MAD1L1: variants seen among roughly 807,000 people sequenced by gnomAD.
MAD1L1 encodes the protein mitotic arrest deficient 1 like 1.
MAD1L1 carries 95 observed loss-of-function variants against 96.9 expected under a neutral mutation model. That is an observed-to-expected ratio of 0.98 (90% CI 0.83 to 1.16). The LOEUF is 1.16. Ranked by LOEUF, MAD1L1 falls within the 50% of genes most tolerant of loss-of-function variation. The pLI, the probability that MAD1L1 is intolerant of heterozygous loss-of-function variation, is 0.00. For missense variants in MAD1L1, 1,007 were observed against 954.4 expected, an observed-to-expected ratio of 1.06 and a Z score of -0.73; for synonymous variants, 473 against 396.6, an observed-to-expected ratio of 1.19 and a Z score of -2.29.
chr7:1,945,836 T>C (rs1779205794), intron 16 of MAD1L1, among the ~76,000 whole-genome samples: 1 of 151,962 alleles, frequency 6.6e-6, no homozygotes, highest in African/African-American at 2.4e-5. Flanking sequence ...GCCTGAGAAG[T>C]CTGGAGGCAG....
chr7:1,995,656 T>A (rs937921944), intron 14 of MAD1L1, among the ~76,000 whole-genome samples: 12 of 151,994 alleles, frequency 7.9e-5, no homozygotes, highest in Admixed American at 2.0e-4. Flanking sequence ...CCCAGACACA[T>A]CCCTGGCCCC....
chr7:2,124,428 A>G (rs1367869669), intron 11 of MAD1L1, among the ~76,000 whole-genome samples: 1 of 152,212 alleles, frequency 6.6e-6, no homozygotes, highest in East Asian at 1.9e-4. Flanking sequence ...GAGTAAGAAG[A>G]CCTGGGAGAT....
intron 18 of MAD1L1, chr7:1,854,372 G>A (rs775937499): frequency 8.4e-6 from 4 of 473,660 alleles, no homozygotes; most frequent in South Asian, 3.0e-5. Context: ...CCCTGTGGAA[G>A]CCTGTATTGG....
At chr7:2,227,649 G>A (rs1326963725) in intron 3 of MAD1L1, among the ~76,000 whole-genome samples, 4 of 152,230 alleles carry the variant, frequency 2.6e-5, no homozygotes, top group Non-Finnish European at 5.9e-5. Context: ...GTTCTCTGGT[G>A]GCCCAAGCCC....
intron 18 of MAD1L1, among the ~76,000 whole-genome samples, chr7:1,832,170 A>G (rs971006148): frequency 1.3e-5 from 2 of 152,166 alleles, no homozygotes; most frequent in African/African-American, 4.8e-5. Flanking sequence ...AGGAGGTCAA[A>G]GTATCACCAT....
chr7:2,029,171 T>C (rs181409054), intron 12 of MAD1L1, among the ~76,000 whole-genome samples: 74 of 152,332 alleles, frequency 4.9e-4, no homozygotes, highest in Admixed American at 1.1e-3. Context: ...CAAAAGATGA[T>C]ATAATCTCCC....
At chr7:1,884,103 C>A (rs1041549843) in intron 18 of MAD1L1, among the ~76,000 whole-genome samples, 1 of 152,244 alleles carries the variant, frequency 6.6e-6, no homozygotes, top group Non-Finnish European at 1.5e-5. Flanking sequence ...GGAGGCAGCA[C>A]TGGGACCGCA....
chr7:2,121,469 C>T (rs759854410), intron 11 of MAD1L1, among the ~76,000 whole-genome samples: 1 of 152,224 alleles, frequency 6.6e-6, no homozygotes, highest in Non-Finnish European at 1.5e-5. Context: ...TTAACAGAGT[C>T]CCGGTGGCCA....
chr7:2,012,706 G>A (rs1782358266), intron 13 of MAD1L1, among the ~76,000 whole-genome samples: 1 of 152,220 alleles, frequency 6.6e-6, no homozygotes, highest in Non-Finnish European at 1.5e-5. Flanking sequence ...CGTGGTGGTG[G>A]TTGAGGGCTC....
At chr7:2,166,965 C>T (rs1350193191) in intron 10 of MAD1L1, among the ~76,000 whole-genome samples, 4 of 152,222 alleles carry the variant, frequency 2.6e-5, no homozygotes, top group East Asian at 3.8e-4. Context: ...GAGACTGAAC[C>T]GGAATCTGCC....
At chr7:2,156,342 G>A (rs1011210257) in intron 10 of MAD1L1, among the ~76,000 whole-genome samples, 1 of 152,212 alleles carries the variant, frequency 6.6e-6, no homozygotes, top group African/African-American at 2.4e-5. Flanking sequence ...GTGGCGTCAT[G>A]ACGTCGGGCT....
intron 10 of MAD1L1, among the ~76,000 whole-genome samples, chr7:2,167,133 A>G (rs1229953565): frequency 6.6e-6 from 1 of 152,232 alleles, no homozygotes; most frequent in African/African-American, 2.4e-5. Context: ...CCAGGGCAGC[A>G]TGCTTCACTG....
chr7:2,129,488 C>G (rs554612089), intron 11 of MAD1L1, among the ~76,000 whole-genome samples: 1 of 152,236 alleles, frequency 6.6e-6, no homozygotes, highest in African/African-American at 2.4e-5. Context: ...AATCCGTCAC[C>G]TGCCAGTGAC....
intron 18 of MAD1L1, among the ~76,000 whole-genome samples, chr7:1,880,900 G>T (rs371783896): frequency 5.9e-5 from 9 of 152,340 alleles, no homozygotes; most frequent in African/African-American, 2.2e-4. Flanking sequence ...CAGCCCCATG[G>T]TTCAGCTTAG....
intron 18 of MAD1L1, among the ~76,000 whole-genome samples, chr7:1,817,778 C>G (rs549102305): frequency 6.6e-6 from 1 of 152,220 alleles, no homozygotes; most frequent in South Asian, 2.1e-4. Flanking sequence ...CCTCTGGGAA[C>G]CCTCCCCAGG....
intron 17 of MAD1L1, among the ~76,000 whole-genome samples, chr7:1,898,631 G>C (rs1040363107): frequency 1.7e-4 from 26 of 152,292 alleles, no homozygotes; most frequent in African/African-American, 5.5e-4. Context: ...ACTGCATTAA[G>C]AACGGTAACT....
chr7:2,024,121 T>TA (rs1171385144), intron 12 of MAD1L1, among the ~76,000 whole-genome samples: 6 of 136,594 alleles, frequency 4.4e-5, no homozygotes, highest in South Asian at 2.3e-4. Context: ...AAAAAAAAAA[T>TA]AAAAAAAAGG....
At chr7:2,030,653 G>A (rs931080188) in intron 12 of MAD1L1, among the ~76,000 whole-genome samples, 6 of 152,198 alleles carry the variant, frequency 3.9e-5, no homozygotes, top group Non-Finnish European at 8.8e-5. Flanking sequence ...ACCAGACGCC[G>A]CCCCGGCAGA....
intron 10 of MAD1L1, among the ~76,000 whole-genome samples, chr7:2,204,654 C>T (rs117872854): frequency 2.3e-3 from 355 of 152,380 alleles, no homozygotes; most frequent in Non-Finnish European, 3.8e-3. Flanking sequence ...CATTACACTG[C>T]GTGGAGACGC....
Sources: allele counts gnomAD v4.1 joint callset (sites outside exome capture counted in the v4.1 genomes callset), GRCh38; gene constraint gnomAD v4.1.1; transcripts MANE v1.5; gene names NCBI Gene and HGNC (gene_info 2026-07-23, HGNC 2026-07-21).